Variants in PKHD1L1 observed in about 807,000 individuals in gnomAD.
PKHD1L1 encodes the protein PKHD1 like 1, also known as fibrocystin-L.
In PKHD1L1, 434 loss-of-function variants were observed where a neutral mutation model predicts 462.9. That is an observed-to-expected ratio of 0.94 (90% CI 0.87 to 1.02). The LOEUF is 1.02. Among genes scored for constraint, PKHD1L1 ranks in the 50% least tolerant of loss-of-function variants. The pLI is 0.00. For missense variants in PKHD1L1, 5,202 were observed against 5,096.1 expected (o/e 1.02, Z -0.63); for synonymous variants, 1,781 against 1,750.0 (o/e 1.02, Z -0.44).
At chr8:109,516,915 G>A (rs529773195) in intron 72 of PKHD1L1, among the ~76,000 whole-genome samples, 2 of 152,104 alleles carry the variant, frequency 1.3e-5, no homozygotes, top group East Asian at 1.9e-4. Flanking sequence ...AAGGCACTTC[G>A]CTTCTTATCA....
At chr8:109,479,710 C>A in intron 54 of PKHD1L1, 71 bp downstream of exon 54, 1 of 1,112,110 alleles carries the variant, frequency 9.0e-7, no homozygotes, top group South Asian at 1.5e-5. Flanking sequence ...GGGTAGATGT[C>A]ACAGTTTTAT....
intron 73 of PKHD1L1, 53 bp downstream of exon 73, chr8:109,518,561 C>A: frequency 7.1e-7 from 1 of 1,410,634 alleles, no homozygotes; most frequent in Non-Finnish European, 9.6e-7. Flanking sequence ...AATCCATATC[C>A]ATAAATAACC....
In PKHD1L1 at chr8:109,476,519, T is replaced by G; in HGVS notation, c.8769T>G (p.Tyr2923Ter). 6.7e-7 allele frequency: 1 copy of G among 1,483,984 alleles called. No homozygotes were observed. The highest frequency in any genetic ancestry group is 9.2e-7 in the Non-Finnish European group (1 of 1,086,740). The allele number at this position is 1,483,984 out of a possible 1,614,324, so 91.9% of individuals were successfully genotyped here. A position where few individuals can be genotyped will look rare whatever the true frequency, so the allele number is the denominator to read the frequency against. ...ATAAACTTTTATAGGAAGAAGACTA[T>G]GTAATTATATCACATAACTTCACTC... The part of the protein sequence containing the change: ...STFYGFKEED[Y>*]VIISHNFTQN... The change falls in exon 52 of 78, where the codon TAT becomes TAG. Residue 2923 changes from tyrosine to a stop codon, truncating the protein, a stop_gained. Transcript: ENST00000378402. LOFTEE classifies it high-confidence loss of function.
At chr8:109,470,935 T>C in intron 50 of PKHD1L1, 1 of 1,606,708 alleles carries the variant, frequency 6.2e-7, no homozygotes, top group Non-Finnish European at 8.5e-7. Flanking sequence ...AGGAAGGATT[T>C]CTGAACAACA....
At chr8:109,515,629 A>T (rs375790636) in intron 72 of PKHD1L1, among the ~76,000 whole-genome samples, 1 of 152,148 alleles carries the variant, frequency 6.6e-6, no homozygotes, top group Non-Finnish European at 1.5e-5. Flanking sequence ...ATTTTGCTTA[A>T]AAGTTTCACC....
intron 72 of PKHD1L1, 51 bp downstream of exon 72, chr8:109,515,356 A>T: frequency 7.7e-7 from 1 of 1,301,480 alleles, no homozygotes. Context: ...CTTATTTATA[A>T]TATTTTAAGT....
At chr8:109,383,107 AG>A (rs1812214502) in intron 4 of PKHD1L1, among the ~76,000 whole-genome samples, 1 of 113,452 alleles carries the variant, frequency 8.8e-6, no homozygotes, top group Non-Finnish European at 1.7e-5. Context: ...ATATATAAAT[AG>A]TTATATATAA....
chr8:109,480,260 C>A, intron 55 of PKHD1L1, 121 bp downstream of exon 55: 1 of 1,048,120 alleles, frequency 9.5e-7, no homozygotes, highest in Non-Finnish European at 1.4e-6. Flanking sequence ...CTGGCTCTAT[C>A]CCATTAAATG....
chr8:109,491,866 T>A lies in PKHD1L1; in HGVS notation c.10115-7T>A, dbSNP rs1396485657. On this transcript the variant is annotated splice_polypyrimidine_tract_variant and splice_region_variant and intron_variant, in intron 61 of 77. Coordinates refer to ENST00000378402, the MANE Select transcript of PKHD1L1 (RefSeq NM_177531.6). ...GATTTTCTTTCTTTTTTTCTTTTTT[T>A]AAACAGGCATAAGAATATGGGGGAA... The A allele has an allele frequency of 6.4e-7, 1 of 1,552,310 alleles. No individual in the cohort carries two copies. Among genetic ancestry groups the A allele is most frequent in the Admixed American group, 1.9e-5 (1 of 51,994 alleles).
intron 63 of PKHD1L1, 128 bp downstream of exon 63, chr8:109,493,879 C>A: frequency 1.9e-6 from 1 of 527,252 alleles, no homozygotes. Context: ...AATAACTCAA[C>A]AAGATAAATT....
chr8:109,471,184 GT>G (rs1224873138), intron 50 of PKHD1L1: 10 of 1,065,734 alleles, frequency 9.4e-6, no homozygotes, highest in Non-Finnish European at 1.3e-5. Flanking sequence ...TATTACTAGT[GT>G]TTAAGTCATT....
At chr8:109,467,581 A>C (rs985543054) in intron 50 of PKHD1L1, among the ~76,000 whole-genome samples, 4 of 151,732 alleles carry the variant, frequency 2.6e-5, no homozygotes, top group Non-Finnish European at 5.9e-5. Context: ...GCCTAGTCTC[A>C]CTCTACCTGA....
At chr8:109,452,027 T>TG in intron 41 of PKHD1L1, 97 bp from the exon 42 acceptor site, 1 of 1,129,644 alleles carries the variant, frequency 8.9e-7, no homozygotes, top group Non-Finnish European at 1.2e-6. Context: ...TCAGGTCATT[T>TG]TTTTTTTGCA....
chr8:109,478,673 G>A lies in PKHD1L1; in HGVS notation c.9090-878G>A, dbSNP rs557242762. Among the ~76,000 whole-genome samples the A allele has an allele frequency of 5.9e-5, 9 of 152,154 alleles. No homozygotes were observed. In the East Asian group the frequency reaches 1.5e-3, roughly 26 times the overall value. On this transcript the variant is annotated intron_variant, in intron 53 of 77. Coordinates refer to ENST00000378402, the MANE Select transcript of PKHD1L1 (RefSeq NM_177531.6). ...GAGAGAGAATCATCAAGGCCCTTAT[G>A]CATTCTGAGGTAGATATAATTATTA...
intron 2 of PKHD1L1, among the ~76,000 whole-genome samples, chr8:109,365,255 T>C (rs1811172428): frequency 1.3e-5 from 2 of 152,226 alleles, no homozygotes; most frequent in Admixed American, 6.5e-5. Context: ...CTTTGCAATA[T>C]AAGTGATACC....
chr8:109,454,277 T>C, intron 44 of PKHD1L1, 31 bp downstream of exon 44: 1 of 1,445,770 alleles, frequency 6.9e-7, no homozygotes, highest in Non-Finnish European at 9.5e-7. Flanking sequence ...CATATTCATT[T>C]CCAACCTGTC....
intron 21 of PKHD1L1, among the ~76,000 whole-genome samples, chr8:109,418,168 A>G (rs1814280782): frequency 6.6e-6 from 1 of 152,072 alleles, no homozygotes; most frequent in South Asian, 2.1e-4. Context: ...AAATTTTCTA[A>G]GTTGTGGTTT....
At chr8:109,433,046 C>T (rs986355162) in intron 27 of PKHD1L1, 60 bp from the exon 28 acceptor site, 2 of 1,209,410 alleles carry the variant, frequency 1.7e-6, no homozygotes, top group Middle Eastern at 2.2e-4. Context: ...TGTCTGATTT[C>T]ATAACAACAG....
In PKHD1L1 at chr8:109,442,103, G is replaced by A. The variant is rs1185554521; in HGVS notation, c.4301G>A (p.Gly1434Glu). Residue 1434 changes from glycine to glutamate, a missense_variant, in exon 35 of 78, where the codon GGG becomes GAG. Coordinates refer to ENST00000378402, the MANE Select transcript of PKHD1L1 (RefSeq NM_177531.6). ...TGGCAAACACATCCGTTTCTTAGAG[G>A]GATAGGATATAGGATTTTTTCTGTC... ...WHWQTHPFLR[G>E]IGYRIFSVSS... 1.2e-6 allele frequency: 2 copies of A among 1,613,286 alleles called. No homozygotes were observed. The highest frequency in any genetic ancestry group is 1.7e-5 in the Admixed American group (1 of 59,930).
Sources: gnomAD v4.1 joint callset for allele counts (sites outside exome capture counted in the v4.1 genomes callset) on GRCh38, gnomAD v4.1.1 for gene constraint, MANE v1.5 for transcripts, NCBI Gene and HGNC (gene_info 2026-07-23, HGNC 2026-07-21) for gene names.